RNF150: variants seen among roughly 807,000 people sequenced by gnomAD.
RNF150 encodes ring finger protein 150.
In RNF150, 24 loss-of-function variants were observed where a neutral mutation model predicts 39.3. That is an observed-to-expected ratio of 0.61 (90% CI 0.44 to 0.86). The LOEUF (loss-of-function observed/expected upper bound fraction) is 0.86. Among genes scored for constraint, RNF150 ranks in the 40% least tolerant of loss-of-function variants. The probability of loss-of-function intolerance (pLI) is 0.00; values close to 1 mark genes in which losing one functional copy is unlikely to be tolerated. For missense variants in RNF150, 502 were observed against 587.8 expected, an observed-to-expected ratio of 0.85 and a Z score of 1.51; for synonymous variants, 255 against 227.3, an observed-to-expected ratio of 1.12 and a Z score of -1.10.
At chr4:140,951,166 C>G (rs1206770287) in intron 2 of RNF150, among the ~76,000 whole-genome samples, 17 of 152,148 alleles carry the variant, frequency 1.1e-4, no homozygotes, top group Admixed American at 1.1e-3. Context: ...CCTGATAGCA[C>G]TTTGTACCTT....
chr4:140,928,294 T>C (rs139859215), intron 4 of RNF150, among the ~76,000 whole-genome samples: 196 of 152,102 alleles, frequency 1.3e-3, no homozygotes, highest in African/African-American at 4.2e-3. Context: ...TTTATCCTAG[T>C]TGGGGTGTTC....
intron 1 of RNF150, among the ~76,000 whole-genome samples, chr4:141,200,920 A>G (rs72935040): frequency 1.8e-4 from 28 of 152,286 alleles, no homozygotes; most frequent in African/African-American, 6.5e-4. Flanking sequence ...GGGAATTCCC[A>G]ATAAATCAGA....
intron 1 of RNF150, among the ~76,000 whole-genome samples, chr4:141,102,176 C>T (rs964476484): frequency 6.6e-6 from 1 of 152,120 alleles, no homozygotes. Flanking sequence ...TTATAGTAAG[C>T]TTTCAAGTAT....
intron 5 of RNF150, among the ~76,000 whole-genome samples, chr4:140,915,422 G>A (rs6537018): frequency 0.55 from 83,906 of 152,012 alleles, 23,646 homozygotes; most frequent in East Asian, 0.89. Context: ...GCTACCCAAC[G>A]GTAGAAGGAT....
chr4:140,880,149 T>C (rs924245457), intron 6 of RNF150, among the ~76,000 whole-genome samples: 6 of 152,152 alleles, frequency 3.9e-5, no homozygotes, highest in African/African-American at 1.4e-4. Flanking sequence ...ATACTTGACC[T>C]TTCTTATGTT....
chr4:141,066,304 C>G (rs189351119), intron 1 of RNF150, among the ~76,000 whole-genome samples: 1 of 151,618 alleles, frequency 6.6e-6, no homozygotes, highest in Admixed American at 6.6e-5. Context: ...ATATGAGAAG[C>G]ATATATCTCC....
chr4:141,022,491 G>T (rs555506160), intron 1 of RNF150, among the ~76,000 whole-genome samples: 1 of 152,168 alleles, frequency 6.6e-6, no homozygotes, highest in South Asian at 2.1e-4. Context: ...CTTTTTATTT[G>T]GTTGGCTGAC....
intron 1 of RNF150, among the ~76,000 whole-genome samples, chr4:141,145,014 A>G (rs1727177593): frequency 6.6e-6 from 1 of 152,172 alleles, no homozygotes; most frequent in African/African-American, 2.4e-5. Flanking sequence ...ATGTCTGGAA[A>G]TTTCCCTGAC....
intron 1 of RNF150, among the ~76,000 whole-genome samples, chr4:141,201,713 T>C (rs1166703711): frequency 6.6e-6 from 1 of 152,146 alleles, no homozygotes; most frequent in Non-Finnish European, 1.5e-5. Context: ...TTTCTTTCTT[T>C]CTCATCCTTT....
chr4:140,882,058 C>T (rs746916757), intron 6 of RNF150, among the ~76,000 whole-genome samples: 1 of 151,690 alleles, frequency 6.6e-6, no homozygotes, highest in African/African-American at 2.4e-5. Flanking sequence ...CTTGCTCTGT[C>T]GCCCAGGCTG....
Position 141,179,108 on chromosome 4 carries a change from C to T in RNF150, c.-6+33686G>A, listed in dbSNP as rs1159419101. Among the ~76,000 whole-genome samples, 4 of 152,162 alleles carry T rather than the reference C, an allele frequency of 2.6e-5. No individual in the cohort carries two copies. In the East Asian group the frequency reaches 5.8e-4, roughly 22 times the overall value. On this transcript the variant is annotated intron_variant, in intron 1 of 7. Coordinates refer to the RNF150 transcript ENST00000420921. ...AATGCATTATTATATATTAAGATCTCGTATTTGTTAAAAGTTCCTCTCTGA... is the reference window on the plus strand; with the variant it reads ...AATGCATTATTATATATTAAGATCTTGTATTTGTTAAAAGTTCCTCTCTGA...
chr4:140,966,114 T>C (rs1733233019), intron 2 of RNF150, among the ~76,000 whole-genome samples: 1 of 151,928 alleles, frequency 6.6e-6, no homozygotes, highest in Non-Finnish European at 1.5e-5. Flanking sequence ...GTGGGAAGAT[T>C]ACTTGAGGTC....
chr4:141,185,902 G>A (rs1727999622), intron 1 of RNF150, among the ~76,000 whole-genome samples: 1 of 152,210 alleles, frequency 6.6e-6, no homozygotes. Context: ...TGATGGATAA[G>A]CTTTTTGATG....
At chr4:140,921,226 C>T (rs1336676787) in intron 5 of RNF150, among the ~76,000 whole-genome samples, 1 of 151,030 alleles carries the variant, frequency 6.6e-6, no homozygotes, top group Admixed American at 6.6e-5. Context: ...GCTAGCAAGA[C>T]TAATAAAGAA....
intron 1 of RNF150, among the ~76,000 whole-genome samples, chr4:141,066,429 G>A (rs1036058972): frequency 6.6e-6 from 1 of 152,094 alleles, no homozygotes; most frequent in Non-Finnish European, 1.5e-5. Context: ...AGACACTGAA[G>A]CCTAATCTTA....
intron 5 of RNF150, among the ~76,000 whole-genome samples, chr4:140,919,537 G>C (rs1428559497): frequency 7.9e-5 from 12 of 151,310 alleles, no homozygotes; most frequent in Non-Finnish European, 1.3e-4. Context: ...AAATAAAAGA[G>C]GATACAAAGA....
intron 1 of RNF150, among the ~76,000 whole-genome samples, chr4:141,142,114 C>G (rs1446625599): frequency 1.3e-5 from 2 of 151,908 alleles, no homozygotes; most frequent in East Asian, 1.9e-4. Flanking sequence ...TCCTGTCATG[C>G]CTTCCCCACA....
At chr4:140,944,942 T>C (rs1400943478) in intron 4 of RNF150, 2 of 152,214 alleles carry the variant, frequency 1.3e-5, no homozygotes, top group Non-Finnish European at 2.9e-5. Context: ...GCAAACTGTC[T>C]GGCAGAAAAC....
At chr4:140,996,980 T>G (rs1454745842) in intron 1 of RNF150, 1 of 152,158 alleles carries the variant, frequency 6.6e-6, no homozygotes, top group Non-Finnish European at 1.5e-5. Flanking sequence ...ATTTGTGTGG[T>G]TTCTCTGCTT....
Sources: gnomAD v4.1 joint callset for allele counts (sites outside exome capture counted in the v4.1 genomes callset) on GRCh38, gnomAD v4.1.1 for gene constraint, MANE v1.5 for transcripts, NCBI Gene and HGNC (gene_info 2026-07-23, HGNC 2026-07-21) for gene names.